POLR1E: variants seen among roughly 807,000 people sequenced by gnomAD.
The protein encoded by POLR1E is RNA polymerase I subunit E, also known as DNA-directed RNA polymerase I subunit RPA49.
In POLR1E, 37 loss-of-function variants were observed where a neutral mutation model predicts 50.9. That is an observed-to-expected ratio of 0.73 (90% confidence interval 0.56 to 0.96). POLR1E has a LOEUF of 0.96. POLR1E is among the 40% of genes least tolerant of loss of function. POLR1E has a pLI of 0.00. For synonymous variants in POLR1E, 166 were observed against 191.6 expected, an observed-to-expected ratio of 0.87 and a Z score of 1.10; for missense variants, 426 against 518.1, an observed-to-expected ratio of 0.82 and a Z score of 1.73.
chr9:37,501,891 TTA>T (rs757674563), intron 11 of POLR1E, 47 bp downstream of exon 11: 5 of 1,571,206 alleles, frequency 3.2e-6, no homozygotes, highest in Non-Finnish European at 4.3e-6. Flanking sequence ...TCTCGATGTC[TTA>T]TTTCTGGTAC....
At position 37,486,693 on chromosome 9, in the gene POLR1E, A is replaced by T; in HGVS notation, c.77-10A>T. On this transcript the variant is annotated splice_polypyrimidine_tract_variant and intron_variant, in intron 1 of 11. Coordinates refer to ENST00000377798, the MANE Select transcript of POLR1E (RefSeq NM_022490.4). ...TGCTCTCATCTCATTCTTGGGCTGC[A>T]CTCTTACAGTCCAGTTCTCCAACGG... 1.2e-6 allele frequency: 2 copies of T among 1,614,122 alleles called. No homozygotes were observed. The highest frequency in any genetic ancestry group is 1.7e-6 in the Non-Finnish European group (2 of 1,180,024).
chr9:37,501,288 C>T (rs547102980), intron 10 of POLR1E, among the ~76,000 whole-genome samples: 4 of 152,242 alleles, frequency 2.6e-5, no homozygotes, highest in African/African-American at 7.2e-5. Context: ...GGGAAAGACC[C>T]GCAGGCCCTG....
At chr9:37,496,036 A>G in intron 8 of POLR1E, 50 bp downstream of exon 8, 1 of 1,399,746 alleles carries the variant, frequency 7.1e-7, no homozygotes, top group Non-Finnish European at 1.0e-6. Flanking sequence ...GTTGGGACCC[A>G]ACAGTAGTCA....
intron 4 of POLR1E, among the ~76,000 whole-genome samples, chr9:37,490,146 A>G (rs1430868995): frequency 6.6e-6 from 1 of 151,946 alleles, no homozygotes; most frequent in Non-Finnish European, 1.5e-5. Context: ...TTCTTCCTTG[A>G]TCATTTCAAG....
At chr9:37,487,093 G>T (rs180915395) in intron 2 of POLR1E, among the ~76,000 whole-genome samples, 1 of 152,324 alleles carries the variant, frequency 6.6e-6, no homozygotes, top group East Asian at 1.9e-4. Context: ...ATACTCTAGA[G>T]CAGGGTTTCT....
rs144866314 is a variant in POLR1E at position 37,501,738 on chromosome 9, A to T, written c.994A>T (p.Met332Leu). ...GRLRNLISDS[M>L]KAKITAYVII... is the part of the protein sequence containing the mutation. ...ATTACGGAACTTAATTTCGGATTCT[A>T]TGAAGGCGAAGATTACTGCATATGT... is the stretch of plus-strand genomic sequence containing the variant. Residue 332 changes from methionine (M) to leucine (L), a missense_variant, in exon 11 of 12, where the codon ATG becomes TTG. Transcript: ENST00000377798. The T allele has an allele frequency of 5.0e-6, 8 of 1,611,916 alleles. No individual in the cohort carries two copies. The African/African-American group carries it at 1.1e-4, about 22-fold the overall frequency.
In POLR1E at chr9:37,493,633, T is replaced by G. The variant is rs578147451; in HGVS notation, c.477T>G (p.Val159=). 8.1e-6 allele frequency: 13 copies of G among 1,610,466 alleles called. No homozygotes were observed. In the African/African-American group the frequency reaches 1.7e-4, roughly 21 times the overall value. The part of the protein sequence containing the change: ...RALNTRRMNR[V]GNESLNRAVA... ...TGAACACCAGGAGAATGAACAGAGTTGGCAATGAATCTTTGAATCGTGCAG... is the reference window on the plus strand; with the variant it reads ...TGAACACCAGGAGAATGAACAGAGTGGGCAATGAATCTTTGAATCGTGCAG... Residue 159 remains valine, a synonymous_variant, in exon 6 of 12, where the codon GTT becomes GTG. Transcript: ENST00000377798.
At chr9:37,502,469 G>A (rs1316663941) in intron 11 of POLR1E, among the ~76,000 whole-genome samples, 1 of 152,234 alleles carries the variant, frequency 6.6e-6, no homozygotes, top group Admixed American at 6.5e-5. Context: ...ATCTAGCCTT[G>A]TAGAGGAGAT....
intron 4 of POLR1E, chr9:37,490,812 C>T: frequency 1.7e-6 from 1 of 600,662 alleles, no homozygotes; most frequent in Non-Finnish European, 3.2e-6. Flanking sequence ...ATATATGTGG[C>T]CAAAGGAACA....
chr9:37,489,551 G>T, intron 4 of POLR1E, 151 bp downstream of exon 4: 2 of 600,850 alleles, frequency 3.3e-6, no homozygotes, highest in South Asian at 2.7e-5. Flanking sequence ...TGAGAAAATG[G>T]TTTTTTATAT....
At chr9:37,496,724 A>G (rs1173468432) in intron 8 of POLR1E, among the ~76,000 whole-genome samples, 2 of 150,764 alleles carry the variant, frequency 1.3e-5, no homozygotes, top group Non-Finnish European at 2.9e-5. Flanking sequence ...GGGCAGGTGC[A>G]GGAACGAACT....
At chr9:37,500,714 G>T in intron 9 of POLR1E, 126 bp from the exon 10 acceptor site, 1 of 675,534 alleles carries the variant, frequency 1.5e-6, no homozygotes, top group Non-Finnish European at 2.6e-6. Flanking sequence ...TGTGGGCCCT[G>T]CTTCTCTTAC....
chr9:37,488,512 C>T (rs1820618340), intron 3 of POLR1E, among the ~76,000 whole-genome samples: 1 of 150,730 alleles, frequency 6.6e-6, no homozygotes, highest in Non-Finnish European at 1.5e-5. Context: ...TAGGCCCTTT[C>T]TGAGCCCCGG....
chr9:37,487,160 C>A (rs1564321753), intron 2 of POLR1E, among the ~76,000 whole-genome samples: 1 of 152,154 alleles, frequency 6.6e-6, no homozygotes, highest in South Asian at 2.1e-4. Flanking sequence ...GGGGCAGCAT[C>A]CCTAGTCTCT....
intron 5 of POLR1E, among the ~76,000 whole-genome samples, chr9:37,493,271 T>A (rs571370381): frequency 9.8e-5 from 15 of 152,320 alleles, no homozygotes; most frequent in Non-Finnish European, 1.6e-4. Context: ...TTCCTGTCTG[T>A]TACGGGCATA....
intron 4 of POLR1E, among the ~76,000 whole-genome samples, chr9:37,491,085 A>G (rs1486103960): frequency 6.6e-6 from 1 of 152,134 alleles, no homozygotes; most frequent in Non-Finnish European, 1.5e-5. Context: ...TTTTTTCCCT[A>G]ATCCAGTGGA....
chr9:37,491,320 G>A (rs1017935552), intron 4 of POLR1E, among the ~76,000 whole-genome samples: 14 of 152,194 alleles, frequency 9.2e-5, no homozygotes, highest in Admixed American at 6.5e-4. Flanking sequence ...ATACCTCAGA[G>A]GCATTAGTTC....
chr9:37,487,502 G>A (rs138384620), intron 2 of POLR1E, among the ~76,000 whole-genome samples: 94 of 152,328 alleles, frequency 6.2e-4, no homozygotes, highest in Non-Finnish European at 1.2e-3. Flanking sequence ...GGTCCTGAGA[G>A]TATACAAAGA....
At chr9:37,491,661 A>G (rs1215625044) in intron 4 of POLR1E, among the ~76,000 whole-genome samples, 3 of 152,034 alleles carry the variant, frequency 2.0e-5, no homozygotes, top group Non-Finnish European at 4.4e-5. Flanking sequence ...ATGGGGTTTC[A>G]CCATGTTGGC....
Sources: gnomAD v4.1 joint callset for allele counts (sites outside exome capture counted in the v4.1 genomes callset) on GRCh38, gnomAD v4.1.1 for gene constraint, MANE v1.5 for transcripts, NCBI Gene and HGNC (gene_info 2026-07-23, HGNC 2026-07-21) for gene names.